Variants in FTO observed in about 807,000 individuals in gnomAD.
The protein encoded by FTO is alpha-ketoglutarate-dependent dioxygenase FTO.
Under a neutral mutation model 63.9 loss-of-function variants are expected in FTO, and 47 were observed. That is an observed-to-expected ratio of 0.74 (90% confidence interval 0.58 to 0.94). FTO has a LOEUF of 0.94. Ranked by LOEUF, FTO falls within the 40% of genes least tolerant of loss-of-function variation. The probability of loss-of-function intolerance (pLI) is 0.00; values close to 1 mark genes in which losing one functional copy is unlikely to be tolerated. For synonymous variants in FTO, 207 were observed against 224.4 expected (o/e 0.92, Z 0.69); for missense variants, 562 against 618.1 (o/e 0.91, Z 0.96).
At chr16:53,812,876 A>G (rs994991453) in intron 2 of FTO, among the ~76,000 whole-genome samples, 3 of 152,210 alleles carry the variant, frequency 2.0e-5, no homozygotes, top group Non-Finnish European at 4.4e-5. Flanking sequence ...AATTTTTAAA[A>G]GTACCCTTAA....
At chr16:53,900,333 G>A (rs1016422260) in intron 7 of FTO, among the ~76,000 whole-genome samples, 2 of 151,986 alleles carry the variant, frequency 1.3e-5, no homozygotes, top group African/African-American at 4.8e-5. Context: ...GAAAGAACTC[G>A]ATCTTTATAT....
chr16:54,081,084 C>A (rs1250896512), intron 8 of FTO, among the ~76,000 whole-genome samples: 1 of 152,068 alleles, frequency 6.6e-6, no homozygotes, highest in Non-Finnish European at 1.5e-5. Context: ...TTTTTTCCCC[C>A]TTTTGCTTTT....
chr16:53,927,352 C>T (rs2082168490), intron 7 of FTO, among the ~76,000 whole-genome samples: 1 of 152,104 alleles, frequency 6.6e-6, no homozygotes, highest in Admixed American at 6.5e-5. Flanking sequence ...GATAGTAGTG[C>T]AGTCACCACT....
At chr16:53,992,683 A>G (rs1599160608) in intron 8 of FTO, 1 of 152,096 alleles carries the variant, frequency 6.6e-6, no homozygotes, top group East Asian at 1.9e-4. Flanking sequence ...GTAACCCATT[A>G]TTAGAGTATT....
At chr16:53,965,575 TCTCAA>T (rs900741513) in intron 8 of FTO, 2 of 152,194 alleles carry the variant, frequency 1.3e-5, no homozygotes, top group Non-Finnish European at 2.9e-5. Flanking sequence ...ATTCTCAACA[TCTCAA>T]CTTCCTTGCT....
At chr16:53,722,733 C>T (rs1425290569) in intron 1 of FTO, among the ~76,000 whole-genome samples, 3 of 151,512 alleles carry the variant, frequency 2.0e-5, no homozygotes, top group East Asian at 1.9e-4. Flanking sequence ...GAAGCTGAGG[C>T]GGGAGAATCG....
At chr16:53,810,498 C>T (rs2078491006) in intron 2 of FTO, among the ~76,000 whole-genome samples, 1 of 152,214 alleles carries the variant, frequency 6.6e-6, no homozygotes, top group African/African-American at 2.4e-5. Flanking sequence ...CTCCTCCTTC[C>T]TTTTGCTCCT....
chr16:54,100,733 G>A (rs1479441615), intron 8 of FTO, among the ~76,000 whole-genome samples: 2 of 152,068 alleles, frequency 1.3e-5, no homozygotes, highest in Admixed American at 1.3e-4. Flanking sequence ...AAGAGCATTG[G>A]CATGAGGTAC....
intron 3 of FTO, among the ~76,000 whole-genome samples, chr16:53,843,831 A>AAG (rs2079542631): frequency 8.0e-6 from 1 of 125,110 alleles, no homozygotes; most frequent in South Asian, 2.6e-4. Context: ...TTTTTTTTTA[A>AAG]TAGAGATGGG....
chr16:53,960,370 C>T (rs560950007), intron 8 of FTO, among the ~76,000 whole-genome samples: 4 of 152,266 alleles, frequency 2.6e-5, no homozygotes, highest in East Asian at 3.9e-4. Context: ...GCCTGCCGTG[C>T]GTGGCACTGG....
chr16:53,919,765 G>A (rs11864309), intron 7 of FTO, among the ~76,000 whole-genome samples: 6,034 of 152,172 alleles, frequency 0.04, 149 homozygotes, highest in African/African-American at 0.078. Context: ...GTTCTCACTC[G>A]TAAGTGGGAG....
At chr16:54,074,034 A>T (rs1456479099) in intron 8 of FTO, among the ~76,000 whole-genome samples, 1 of 152,114 alleles carries the variant, frequency 6.6e-6, no homozygotes, top group African/African-American at 2.4e-5. Context: ...ATTGTACAAT[A>T]AACTGTTTTA....
At chr16:53,882,789 A>G (rs1391682332) in intron 6 of FTO, among the ~76,000 whole-genome samples, 1 of 152,248 alleles carries the variant, frequency 6.6e-6, no homozygotes, top group Non-Finnish European at 1.5e-5. Flanking sequence ...ATGGCAACAT[A>G]TAATATCTTT....
chr16:54,095,702 A>T (rs1488814627), intron 8 of FTO, among the ~76,000 whole-genome samples: 1 of 152,118 alleles, frequency 6.6e-6, no homozygotes, highest in East Asian at 1.9e-4. Context: ...CCTTTCAAAG[A>T]GGAGGTAAGG....
intron 8 of FTO, among the ~76,000 whole-genome samples, chr16:54,062,835 G>A (rs1219964322): frequency 1.3e-5 from 2 of 152,166 alleles, no homozygotes; most frequent in African/African-American, 2.4e-5. Context: ...TGGGGATCAG[G>A]CTGAGTGCCA....
intron 8 of FTO, among the ~76,000 whole-genome samples, chr16:54,020,175 A>T (rs1216549410): frequency 2.0e-5 from 3 of 152,212 alleles, no homozygotes; most frequent in Admixed American, 1.3e-4. Context: ...TGTATGCCTC[A>T]GAAATTTAAT....
chr16:53,938,933 C>CAA (rs75389919), intron 8 of FTO, among the ~76,000 whole-genome samples: 4 of 125,314 alleles, frequency 3.2e-5, no homozygotes, highest in Non-Finnish European at 3.5e-5. Context: ...ACTAAAAATA[C>CAA]AAAAAAAAAA....
chr16:53,786,047 C>G (rs1359262733), intron 1 of FTO, among the ~76,000 whole-genome samples: 1 of 151,992 alleles, frequency 6.6e-6, no homozygotes, highest in Non-Finnish European at 1.5e-5. Context: ...AAGGAGGTTG[C>G]TCTGACGGCT....
intron 1 of FTO, chr16:53,711,242 CT>C: frequency 2.6e-6 from 1 of 385,060 alleles, no homozygotes; most frequent in Non-Finnish European, 4.6e-6. Flanking sequence ...AGTGGATTTT[CT>C]CAAATGGGGT....
Sources: allele counts gnomAD v4.1 joint callset (sites outside exome capture counted in the v4.1 genomes callset), GRCh38; gene constraint gnomAD v4.1.1; transcripts MANE v1.5; gene names NCBI Gene and HGNC (gene_info 2026-07-23, HGNC 2026-07-21).